ITGAD: variants seen among roughly 807,000 people sequenced by gnomAD.
ITGAD encodes integrin subunit alpha D, also known as integrin alpha-D.
A neutral mutation model predicts 139.0 loss-of-function variants in ITGAD; 105 were observed. The observed-to-expected ratio is 0.76, with a 90% CI of 0.65 to 0.89. ITGAD has a LOEUF of 0.89. Ranked by LOEUF, ITGAD falls within the 40% of genes least tolerant of loss-of-function variation. The pLI is 0.00. For missense variants in ITGAD, 1,384 were observed against 1,487.3 expected, an observed-to-expected ratio of 0.93 and a Z score of 1.14; for synonymous variants, 569 against 598.3, an observed-to-expected ratio of 0.95 and a Z score of 0.71.
In ITGAD at chr16:31,414,558, AC is replaced by A; in HGVS notation, c.2107del (p.Leu703TrpfsTer10). 1.2e-6 allele frequency: 2 copies of A among 1,614,036 alleles called. No individual in the cohort carries two copies. Among genetic ancestry groups the A allele is most frequent in the East Asian group, 2.2e-5 (1 of 44,886 alleles). Reference sequence around the variant, plus strand: ...GAACCCCACTTTGACTCGAAGAAAAACCCTGGGACTGGGGATTCACTGTGAA... The same window carrying A: ...GAACCCCACTTTGACTCGAAGAAAAACCTGGGACTGGGGATTCACTGTGAA... ...TKNPTLTRRK[T>X]LGLGIHCETL... On this transcript the variant is annotated frameshift_variant, in exon 17 of 30. Coordinates refer to ENST00000389202, the MANE Select transcript of ITGAD (RefSeq NM_005353.3). LOFTEE classifies it high-confidence loss of function.
intron 7 of ITGAD, among the ~76,000 whole-genome samples, chr16:31,407,012 G>A (rs2081556318): frequency 2.0e-5 from 3 of 152,194 alleles, no homozygotes; most frequent in Admixed American, 1.3e-4. Flanking sequence ...AACAAAGAAT[G>A]TGACTTTTTT....
intron 10 of ITGAD, chr16:31,408,735 A>T (rs1335032571): frequency 1.2e-5 from 6 of 496,886 alleles, no homozygotes; most frequent in Non-Finnish European, 2.2e-5. Context: ...CCTCTCAGAT[A>T]GCACTAAGCA....
Position 31,403,781 on chromosome 16 carries a change from G to T in ITGAD, c.704+136G>T. 8.9e-7 allele frequency: 1 copy of T among 1,126,944 alleles called. No homozygotes were observed. Among genetic ancestry groups the T allele is most frequent in the East Asian group, 2.5e-5 (1 of 40,422 alleles). 69.8% of individuals were successfully genotyped at this position (1,126,944 alleles called of 1,614,324 possible). A position where few individuals can be genotyped will look rare whatever the true frequency, so the allele number is the denominator to read the frequency against. ...CCAAGGGGCATGTCGGGGCTGCAGG[G>T]AGAACCTCCCCCCGGGGTGCTCCTG... is the stretch of plus-strand genomic sequence containing the variant. On this transcript the variant is annotated intron_variant, in intron 7 of 29. Transcript: ENST00000389202. The surrounding 1 kb of genome is among the most constrained non-coding windows in gnomAD (Gnocchi z 4.4).
At position 31,403,807 on chromosome 16, in the gene ITGAD, G is replaced by C. The variant is rs2081470402; in HGVS notation, c.704+162G>C. On this transcript the variant is annotated intron_variant, in intron 7 of 29. Transcript: ENST00000389202. This position sits in a 1 kb window ranked among gnomAD's most constrained non-coding sequence, Gnocchi z 4.4. ...AGAACCTCCCCCCGGGGTGCTCCTG[G>C]TTGCCTCGCTGCCAGTCTCCCTGAT... is the stretch of plus-strand genomic sequence containing the variant. 1.3e-6 allele frequency: 1 copy of C among 790,206 alleles called. No homozygotes were observed. The highest frequency in any genetic ancestry group is 1.7e-5 in the African/African-American group (1 of 57,806). 48.9% of individuals were successfully genotyped at this position (790,206 alleles called of 1,614,324 possible). A position where few individuals can be genotyped will look rare whatever the true frequency, so the allele number is the denominator to read the frequency against.
intron 14 of ITGAD, among the ~76,000 whole-genome samples, chr16:31,411,761 C>G (rs988024138): frequency 6.6e-6 from 1 of 152,244 alleles, no homozygotes; most frequent in African/African-American, 2.4e-5. Context: ...GCCGGCCATC[C>G]TGAGCTGTGT....
Position 31,408,452 on chromosome 16 carries a change from T to G in ITGAD, c.1037T>G (p.Phe346Cys). 6.2e-7 allele frequency: 1 copy of G among 1,614,028 alleles called. No individual in the cohort carries two copies. The highest frequency in any genetic ancestry group is 8.5e-7 in the Non-Finnish European group (1 of 1,179,980). ...EGTQSRASSSFQHEMSQEGFS... is the reference protein window; with the variant it reads ...EGTQSRASSSCQHEMSQEGFS... ...ACCCAGTCCAGGGCAAGCAGCTCCT[T>G]CCAGCACGAGATGTCCCAAGAAGGC... The change falls in exon 10 of 30, where the codon TTC becomes TGC. Residue 346 changes from phenylalanine (F) to cysteine (C), a missense_variant. Physicochemically the swap from Phe to Cys is radical, Grantham distance 205 (BLOSUM62 -2). Coordinates refer to ENST00000389202, the MANE Select transcript of ITGAD (RefSeq NM_005353.3).
At position 31,414,982 on chromosome 16, in the gene ITGAD, C is replaced by T. The variant is rs1050628892; in HGVS notation, c.2274C>T (p.Phe758=). The T allele has an allele frequency of 4.6e-5, 75 of 1,613,942 alleles. No individual in the cohort carries two copies. Among genetic ancestry groups the T allele is most frequent in the Non-Finnish European group, 5.8e-5 (69 of 1,179,992 alleles). ...PVLAVGSQDL[F]TASLPFEKNC... is the part of the protein sequence containing the mutation. The stretch of plus-strand genomic sequence containing the variant: ...TGGCCGTGGGCTCACAAGACCTCTT[C>T]ACTGCTTCTGTGAGTCTTCTGATGA... Residue 758 remains phenylalanine, a synonymous_variant, in exon 18 of 30, where the codon TTC becomes TTT. Transcript: ENST00000389202.
intron 23 of ITGAD, among the ~76,000 whole-genome samples, chr16:31,418,951 G>C (rs2081953924): frequency 6.6e-6 from 1 of 151,214 alleles, no homozygotes; most frequent in Non-Finnish European, 1.5e-5. Context: ...TTGAATCCGG[G>C]AGGCGGAGGT....
Position 31,423,354 on chromosome 16 carries a change from G to A in ITGAD, c.2862G>A (p.Val954=). 6.2e-7 allele frequency: 1 copy of A among 1,613,880 alleles called. No homozygotes were observed. The highest frequency in any genetic ancestry group is 1.1e-5 in the South Asian group (1 of 91,062). Residue 954 remains valine (V), a splice_region_variant and synonymous_variant, in exon 25 of 30, where the codon GTG becomes GTA. Transcript: ENST00000389202. ...KMKEAEHRYR[V]NNLSQRDLAI... ...CACTCTGCCTTGATTTCCTGCAGGTGAATAACCTCAGCCAGCGAGATCTGG... is the reference window on the plus strand; with the variant it reads ...CACTCTGCCTTGATTTCCTGCAGGTAAATAACCTCAGCCAGCGAGATCTGG...
chr16:31,407,604 C>T lies in ITGAD; in HGVS notation c.794C>T (p.Pro265Leu). The T allele has an allele frequency of 1.2e-6, 2 of 1,614,080 alleles. No homozygotes were observed. The highest frequency in any genetic ancestry group is 1.7e-6 in the Non-Finnish European group (2 of 1,179,962). The change falls in exon 8 of 30, where the codon CCC (proline) becomes CTC (leucine). Residue 265 changes from proline to leucine, a missense_variant. Physicochemically the swap from Pro to Leu is moderately conservative, Grantham distance 98 (BLOSUM62 -3). Transcript: ENST00000389202. ...VITDGQKYKD[P>L]LEYSDVIPQA... is the part of the protein sequence containing the mutation. ...ACAGATGGGCAGAAGTACAAAGACC[C>T]CCTGGAATACAGTGATGTCATCCCC...
intron 5 of ITGAD, among the ~76,000 whole-genome samples, chr16:31,400,337 A>T (rs962213265): frequency 6.6e-4 from 99 of 149,744 alleles, no homozygotes; most frequent in African/African-American, 2.3e-3. Context: ...AGGAAAAGGC[A>T]TTTTTTTTTT....
At position 31,423,674 on chromosome 16, in the gene ITGAD, G is replaced by A. The variant is rs531435029; in HGVS notation, c.3045+26G>A. On this transcript the variant is annotated intron_variant, in intron 26 of 29. Transcript: ENST00000389202. ...GTGAGAAAGTCCCTGAACCCCCACC[G>A]CCAAGATCAGCCCCCACCGGGGATA... The A allele has an allele frequency of 2.8e-5, 45 of 1,595,154 alleles. 1 individual carries two copies. The South Asian group carries it at 3.7e-4, about 13-fold the overall frequency.
intron 10 of ITGAD, among the ~76,000 whole-genome samples, chr16:31,409,879 C>T (rs921689943): frequency 2.3e-5 from 3 of 132,506 alleles, no homozygotes; most frequent in Admixed American, 1.7e-4. Context: ...GCCACTGCAT[C>T]ACAGCCTGTG....
intron 5 of ITGAD, among the ~76,000 whole-genome samples, chr16:31,399,771 G>A (rs186156154): frequency 1.8e-4 from 27 of 152,284 alleles, no homozygotes; most frequent in Admixed American, 1.3e-3. Context: ...CAAGTAGAAG[G>A]GACCAGGGTC....
chr16:31,413,084 C>T lies in ITGAD; in HGVS notation c.1839-5C>T. 1.2e-6 allele frequency: 2 copies of T among 1,614,102 alleles called. No individual in the cohort carries two copies. The highest frequency in any genetic ancestry group is 1.7e-6 in the Non-Finnish European group (2 of 1,180,002). ...TTCTGTCCTCCCCACTACTCTGCCC[C>T]TCAGGAGTCTGCCGGTGCTGAAAGT... On this transcript the variant is annotated splice_region_variant and splice_polypyrimidine_tract_variant and intron_variant, in intron 15 of 29. Coordinates refer to ENST00000389202, the MANE Select transcript of ITGAD (RefSeq NM_005353.3).
chr16:31,418,228 C>T, intron 21 of ITGAD, 37 bp downstream of exon 21: 1 of 1,605,956 alleles, frequency 6.2e-7, no homozygotes, highest in Non-Finnish European at 8.5e-7. Flanking sequence ...CACTGTCCTC[C>T]CTTGTCCCAA....
At chr16:31,425,397 T>C (rs1386598964) in intron 29 of ITGAD, among the ~76,000 whole-genome samples, 1 of 152,142 alleles carries the variant, frequency 6.6e-6, no homozygotes, top group Non-Finnish European at 1.5e-5. Context: ...ATGATAATAA[T>C]GCTTATATCA....
In ITGAD at chr16:31,402,117, T is replaced by G. The variant is rs1248071460; in HGVS notation, c.430T>G (p.Cys144Gly). ...GATTCCTCCCCATTCCCCCACAGAG[T>G]GTCCACATCAAGAGATGGACATCGT... is the stretch of plus-strand genomic sequence containing the variant. The part of the protein sequence containing the change: ...IQTVPDATPE[C>G]PHQEMDIVFL... Residue 144 changes from cysteine (C) to glycine (G), a missense_variant and splice_region_variant, in exon 6 of 30, where the codon TGT (cysteine) becomes GGT (glycine). Cys to Gly is a radical substitution (Grantham distance 159, BLOSUM62 -3). Transcript: ENST00000389202. 1 of 1,613,536 alleles carries G rather than the reference T, an allele frequency of 6.2e-7. No individual in the cohort carries two copies.
At position 31,418,095 on chromosome 16, in the gene ITGAD, C is replaced by T. The variant is rs1340333980; in HGVS notation, c.2520C>T (p.Ala840=). 1 of 1,614,070 alleles carries T rather than the reference C, an allele frequency of 6.2e-7. No individual in the cohort carries two copies. The highest frequency in any genetic ancestry group is 8.5e-7 in the Non-Finnish European group (1 of 1,180,018). Reference sequence around the variant, plus strand: ...CCTAGAAGCAGCCCCATCAGAGTGCCCTGCGCCTGGCATGTGAGACAGTGC... The same window carrying T: ...CCTAGAAGCAGCCCCATCAGAGTGCTCTGCGCCTGGCATGTGAGACAGTGC... ...SGAQKQPHQS[A]LRLACETVPT... The change falls in exon 21 of 30, where the codon GCC becomes GCT. Residue 840 remains alanine (A), a synonymous_variant. Transcript: ENST00000389202.
Sources: allele counts gnomAD v4.1 joint callset (sites outside exome capture counted in the v4.1 genomes callset), GRCh38; gene constraint gnomAD v4.1.1; non-coding constraint Gnocchi (gnomAD v3.1); transcripts MANE v1.5; gene names NCBI Gene and HGNC (gene_info 2026-07-23, HGNC 2026-07-21).